DNAH5: variants seen among roughly 807,000 people sequenced by gnomAD.
DNAH5 encodes the protein axonemal beta dynein heavy chain 5.
In DNAH5, 372 loss-of-function variants were observed where a neutral mutation model predicts 518.2. The observed-to-expected ratio is 0.72, with a 90% CI of 0.66 to 0.78. DNAH5 has a LOEUF of 0.78. Among genes scored for constraint, DNAH5 ranks in the 30% least tolerant of loss-of-function variants. DNAH5 has a pLI of 0.00. For missense variants in DNAH5, 5,523 were observed against 5,687.0 expected (o/e 0.97, Z 0.93); for synonymous variants, 2,039 against 2,025.9 (o/e 1.01, Z -0.17).
chr5:13,883,168 A>C (rs897458714), intron 19 of DNAH5, 74 bp from the exon 20 acceptor site: 2 of 1,458,792 alleles, frequency 1.4e-6, no homozygotes, highest in Non-Finnish European at 1.9e-6. Context: ...GTAACCATAA[A>C]AATTAAAACA....
chr5:13,778,707 C>T (rs1754627776), intron 53 of DNAH5, among the ~76,000 whole-genome samples: 1 of 152,132 alleles, frequency 6.6e-6, no homozygotes. Flanking sequence ...GGGCCCATTG[C>T]CTCAAATAAT....
At chr5:13,820,068 A>G (rs1049208291) in intron 41 of DNAH5, among the ~76,000 whole-genome samples, 2 of 152,174 alleles carry the variant, frequency 1.3e-5, no homozygotes, top group Admixed American at 1.3e-4. Flanking sequence ...AAATGGGGAT[A>G]ATAATAACCA....
chr5:13,730,145 C>A (rs1297167865), intron 68 of DNAH5, among the ~76,000 whole-genome samples: 1 of 152,156 alleles, frequency 6.6e-6, no homozygotes, highest in African/African-American at 2.4e-5. Flanking sequence ...GTGGTTATAC[C>A]CTAAGCTAAC....
chr5:13,918,975 G>T, intron 7 of DNAH5, among the ~76,000 whole-genome samples: 1 of 151,964 alleles, frequency 6.6e-6, no homozygotes, highest in South Asian at 2.1e-4. Context: ...ATACATACAC[G>T]TACACCAGCT....
chr5:13,700,836 G>T lies in DNAH5; in HGVS notation c.13527C>A (p.Asp4509Glu), dbSNP rs2126405439. The T allele has an allele frequency of 6.2e-7, 1 of 1,614,112 alleles. No individual in the cohort carries two copies. The highest frequency in any genetic ancestry group is 8.5e-7 in the Non-Finnish European group (1 of 1,179,994). The change falls in exon 78 of 79, where the codon GAC (aspartate) becomes GAA (glutamate). Residue 4509 changes from aspartate to glutamate, a missense_variant. This residue lies in a region of DNAH5 where 387 missense variants were observed against 430.0 expected (regional missense o/e 0.90). Transcript: ENST00000265104. ...TGACTTCATTGCAAAGCACCATATT[G>T]TCCAGAGCCCAGCCTTTGTTGGCCC... is the stretch of plus-strand genomic sequence containing the variant. ...ITRANKGWAL[D>E]NMVLCNEVTK...
intron 19 of DNAH5, among the ~76,000 whole-genome samples, chr5:13,883,332 A>G (rs1771938178): frequency 6.6e-6 from 1 of 152,170 alleles, no homozygotes; most frequent in Non-Finnish European, 1.5e-5. Context: ...ACTCTCCACA[A>G]TGAAACCCAC....
At chr5:13,988,752 T>C (rs1405957105) in intron 1 of DNAH5, among the ~76,000 whole-genome samples, 1 of 116,862 alleles carries the variant, frequency 8.6e-6, no homozygotes, top group African/African-American at 3.1e-5. Flanking sequence ...GACAGAGTCT[T>C]ACTCTGTCAC....
At chr5:13,944,994 C>T (rs775846760), upstream of DNAH5, among the ~76,000 whole-genome samples, 16 of 152,250 alleles carry the variant, frequency 1.1e-4, no homozygotes, top group Non-Finnish European at 1.9e-4. Flanking sequence ...GCACTGCCAG[C>T]ATTGTGACTA....
Position 13,830,043 on chromosome 5 carries a change from C to A in DNAH5, c.6232G>T (p.Gly2078Trp). ...CTCCTTACCATGGTTAAGAAAAGCC[C>A]AAATTCAGGGTTCATAGTCACATTA... is the stretch of plus-strand genomic sequence containing the variant. ...GDNVTMNPEFGLFLTMNPGYA... is the reference protein window; with the variant it reads ...GDNVTMNPEFWLFLTMNPGYA... The change falls in exon 37 of 79, where the codon GGG becomes TGG. Residue 2078 changes from glycine to tryptophan, a missense_variant. Physicochemically the swap from Gly to Trp is radical, Grantham distance 184. Around this residue, in one of 3 missense-constraint regions of DNAH5, gnomAD observed 5,121 missense variants for 5,223.3 expected, o/e 0.98. Coordinates refer to ENST00000265104, the MANE Select transcript of DNAH5 (RefSeq NM_001369.3). 2 of 1,613,822 alleles carry A rather than the reference C, an allele frequency of 1.2e-6. No homozygotes were observed. The highest frequency in any genetic ancestry group is 4.5e-5 in the East Asian group (2 of 44,842).
chr5:13,716,734 G>T (rs1377505436), intron 73 of DNAH5, 44 bp from the exon 74 acceptor site: 2 of 1,363,884 alleles, frequency 1.5e-6, no homozygotes, highest in Non-Finnish European at 2.1e-6. Context: ...GACTACCGTT[G>T]CATTATTATT....
chr5:13,841,002 T>TA lies in DNAH5; in HGVS notation c.5612dup (p.Asp1872ArgfsTer30). 6.2e-7 allele frequency: 1 copy of TA among 1,614,214 alleles called. No individual in the cohort carries two copies. Among genetic ancestry groups the TA allele is most frequent in the Middle Eastern group, 1.6e-4 (1 of 6,062 alleles). ...AACTCAGATCCCTCGTGGTGACGTCTATCAATGTATTGAGTAGCTCCAGGA... is the reference window on the plus strand; with the variant it reads ...AACTCAGATCCCTCGTGGTGACGTCTAATCAATGTATTGAGTAGCTCCAGGA... On this transcript the variant is annotated frameshift_variant, in exon 34 of 79. Transcript: ENST00000265104. LOFTEE classifies it high-confidence loss of function.
intron 47 of DNAH5, among the ~76,000 whole-genome samples, chr5:13,797,772 C>A (rs1187554451): frequency 6.6e-6 from 1 of 152,130 alleles, no homozygotes; most frequent in Non-Finnish European, 1.5e-5. Flanking sequence ...TACTGCAGCA[C>A]TATTCACAAT....
chr5:13,728,599 G>C (rs1293761904), intron 69 of DNAH5, among the ~76,000 whole-genome samples: 2 of 152,146 alleles, frequency 1.3e-5, no homozygotes, highest in Non-Finnish European at 2.9e-5. Flanking sequence ...CCGAAAGAAT[G>C]GTTTGTACCC....
intron 6 of DNAH5, 193 bp from the exon 7 acceptor site, chr5:13,919,545 T>G (rs536841431): frequency 5.1e-4 from 312 of 615,050 alleles, no homozygotes; most frequent in Non-Finnish European, 6.2e-4. Context: ...AAAATCTCTT[T>G]GAATTGTTTT....
chr5:13,730,925 C>T (rs1433152218), intron 68 of DNAH5, among the ~76,000 whole-genome samples: 1 of 152,044 alleles, frequency 6.6e-6, no homozygotes, highest in African/African-American at 2.4e-5. Context: ...GTCTCGAACT[C>T]CCGACCCCAG....
chr5:13,906,750 C>T (rs1429147655), intron 12 of DNAH5, among the ~76,000 whole-genome samples: 1 of 152,032 alleles, frequency 6.6e-6, no homozygotes, highest in Non-Finnish European at 1.5e-5. Context: ...CAAATCATAA[C>T]AAACATTACG....
chr5:13,700,931 A>G (rs1742022761), intron 77 of DNAH5, 60 bp from the exon 78 acceptor site: 8 of 1,520,510 alleles, frequency 5.3e-6, no homozygotes, highest in South Asian at 1.1e-5. Context: ...TAGAAAGAGC[A>G]TAACAATAAT....
chr5:13,870,827 T>G lies in DNAH5; in HGVS notation c.3774A>C (p.Ala1258=). 1 of 1,613,914 alleles carries G rather than the reference T, an allele frequency of 6.2e-7. No individual in the cohort carries two copies. Among genetic ancestry groups the G allele is most frequent in the Non-Finnish European group, 8.5e-7 (1 of 1,179,842 alleles). ...GCTCCTCCCTTATTTCTTTCAGCGC[T>G]GCCATTGCAATCCGAATATCATCTA... The part of the protein sequence containing the change: ...KDLDDIRIAM[A]ALKEIREEQI... Residue 1258 remains alanine (A), a synonymous_variant, in exon 24 of 79, where the codon GCA becomes GCC. Coordinates refer to ENST00000265104, the MANE Select transcript of DNAH5 (RefSeq NM_001369.3).
Position 13,882,889 on chromosome 5 carries a change from G to T in DNAH5, c.3174+15C>A. 1 of 1,614,050 alleles carries T rather than the reference G, an allele frequency of 6.2e-7. No homozygotes were observed. Among genetic ancestry groups the T allele is most frequent in the African/African-American group, 1.3e-5 (1 of 75,014 alleles). ...GTGGTTTCCATATGAAACCATTTCT[G>T]CACCCCATACCCACCTTGGACAACA... On this transcript the variant is annotated intron_variant, in intron 20 of 78. Coordinates refer to ENST00000265104, the MANE Select transcript of DNAH5 (RefSeq NM_001369.3).
Sources: gnomAD v4.1 joint callset for allele counts (sites outside exome capture counted in the v4.1 genomes callset) on GRCh38, gnomAD v4.1.1 for gene constraint, gnomAD v4.1.1 regional missense constraint, MANE v1.5 for transcripts, NCBI Gene and HGNC (gene_info 2026-07-23, HGNC 2026-07-21) for gene names.